CSF2RA: variants seen among roughly 807,000 people sequenced by gnomAD.
CSF2RA encodes colony stimulating factor 2 receptor subunit alpha.
In CSF2RA, 42 loss-of-function variants were observed where a neutral mutation model predicts 51.6. The observed-to-expected ratio is 0.81, with a 90% CI of 0.64 to 1.05. CSF2RA has a LOEUF of 1.05. Among genes scored for constraint, CSF2RA ranks in the 50% least tolerant of loss-of-function variants. The pLI, the probability that CSF2RA is intolerant of heterozygous loss-of-function variation, is 0.00. For missense variants in CSF2RA, 530 were observed against 501.1 expected, an observed-to-expected ratio of 1.06 and a Z score of -0.55; for synonymous variants, 222 against 193.0, an observed-to-expected ratio of 1.15 and a Z score of -1.24.
Position 1,300,630 on chromosome X carries a change from A to G in CSF2RA, c.946+4A>G. 1 of 1,613,834 alleles carries G rather than the reference A, an allele frequency of 6.2e-7. No individual in the cohort carries two copies. Among genetic ancestry groups the G allele is most frequent in the Non-Finnish European group, 8.5e-7 (1 of 1,179,838 alleles). On this transcript the variant is annotated splice_donor_region_variant and intron_variant, in intron 10 of 12. Coordinates refer to ENST00000381529, the MANE Select transcript of CSF2RA (RefSeq NM_172245.4). ...TGGAGTGAAGCCATTGAATTTGGTA[A>G]GCGTTGGGCGGAGGTAAGGGATGTT...
In CSF2RA at chrX:1,305,437, G is replaced by A; in HGVS notation, c.1044-9G>A. The A allele has an allele frequency of 6.2e-7, 1 of 1,613,958 alleles. No homozygotes were observed. The highest frequency in any genetic ancestry group is 1.1e-5 in the South Asian group (1 of 91,076). ...TTCATTCTCTTCACACTTTTTCTCT[G>A]TGTCTCAGGTTCCTTAGGATACAGC... is the stretch of plus-strand genomic sequence containing the variant. On this transcript the variant is annotated splice_polypyrimidine_tract_variant and intron_variant, in intron 11 of 12. Coordinates refer to ENST00000381529, the MANE Select transcript of CSF2RA (RefSeq NM_172245.4).
downstream of CSF2RA, among the ~76,000 whole-genome samples, chrX:1,312,456 C>A (rs1301275510): frequency 6.6e-6 from 1 of 151,998 alleles, no homozygotes; most frequent in Non-Finnish European, 1.5e-5. Flanking sequence ...TATTCTGTCT[C>A]CCACATGGAA....
chrX:1,286,027 C>T, intron 4 of CSF2RA, 107 bp downstream of exon 4: 3 of 1,322,370 alleles, frequency 2.3e-6, no homozygotes, highest in South Asian at 1.2e-5. Flanking sequence ...CATCCCAGCA[C>T]TTTGGGAGGC....
At chrX:1,275,326 G>T (rs1411166447) in intron 2 of CSF2RA, among the ~76,000 whole-genome samples, 2 of 151,758 alleles carry the variant, frequency 1.3e-5, no homozygotes, top group Non-Finnish European at 1.5e-5. Context: ...AGGAGGCGTA[G>T]GTTGCAGTGA....
At chrX:1,323,158 T>TATAAAATAAAATAAAATAAA in the CSF2RA span, among the ~76,000 whole-genome samples, 27,014 of 133,800 alleles carry the variant, frequency 0.2, 3,276 homozygotes, top group Non-Finnish European at 0.26. Context: ...ACATTACAAT[T>TATAAAATAAAATAAAATAAA]ATAAAATAAA....
intron 12 of CSF2RA, 121 bp downstream of exon 12, chrX:1,305,648 C>T: frequency 6.2e-7 from 1 of 1,609,490 alleles, no homozygotes; most frequent in Non-Finnish European, 8.5e-7. Flanking sequence ...AGCGTCACCA[C>T]CGGTGTGGCT....
downstream of CSF2RA, among the ~76,000 whole-genome samples, chrX:1,314,962 ACC>A (rs1569515152): frequency 7.2e-4 from 78 of 108,454 alleles, 7 homozygotes; most frequent in African/African-American, 2.4e-3. Flanking sequence ...TGCCTGCCCA[ACC>A]CCACTGTGCC....
chrX:1,293,509 G>A (rs750094252), intron 7 of CSF2RA, among the ~76,000 whole-genome samples: 8 of 140,930 alleles, frequency 5.7e-5, no homozygotes, highest in South Asian at 2.3e-4. Flanking sequence ...GTGAGCCACC[G>A]CGCCCAGCCC....
At chrX:1,312,390 G>T (rs1307104804), downstream of CSF2RA, among the ~76,000 whole-genome samples, 2 of 152,108 alleles carry the variant, frequency 1.3e-5, no homozygotes, top group Admixed American at 1.3e-4. Context: ...GAACATGCTG[G>T]GGGCCATTAT....
chrX:1,317,265 T>TTTG, the CSF2RA span, among the ~76,000 whole-genome samples: 2 of 127,560 alleles, frequency 1.6e-5, no homozygotes, highest in Admixed American at 8.2e-5. Flanking sequence ...TTTTTTTTTT[T>TTTG]TTTGAGACAG....
the CSF2RA span, among the ~76,000 whole-genome samples, chrX:1,316,695 T>A: frequency 6.6e-6 from 1 of 152,160 alleles, no homozygotes; most frequent in African/African-American, 2.4e-5. Context: ...ACGCCTGGGT[T>A]CTCCTGAATG....
chrX:1,284,208 T>C (rs865806909), intron 3 of CSF2RA, among the ~76,000 whole-genome samples: 1 of 138,780 alleles, frequency 7.2e-6, no homozygotes, highest in Non-Finnish European at 1.5e-5. Flanking sequence ...TTTTTTTTTT[T>C]TTTTTTTTTT....
At chrX:1,320,601 G>A in the CSF2RA span, among the ~76,000 whole-genome samples, 64 of 149,890 alleles carry the variant, frequency 4.3e-4, no homozygotes, top group African/African-American at 1.2e-3. Context: ...GGGTTCAAGC[G>A]ATTCCCCTGC....
chrX:1,291,454 T>C (rs758446709), intron 7 of CSF2RA, among the ~76,000 whole-genome samples: 37 of 151,396 alleles, frequency 2.4e-4, no homozygotes, highest in Non-Finnish European at 4.6e-4. Context: ...CTTCATTTCT[T>C]CCTCACCAGC....
downstream of CSF2RA, among the ~76,000 whole-genome samples, chrX:1,314,535 A>C (rs762031645): frequency 9.8e-6 from 1 of 101,768 alleles, no homozygotes; most frequent in African/African-American, 4.5e-5. Flanking sequence ...ATCCCACTGC[A>C]CCTGCCCAAT....
chrX:1,295,863 T>G (rs2091894835), intron 9 of CSF2RA, among the ~76,000 whole-genome samples: 1 of 121,304 alleles, frequency 8.2e-6, no homozygotes, highest in South Asian at 2.5e-4. Context: ...TCACCACACC[T>G]AATGTAACTC....
intron 7 of CSF2RA, among the ~76,000 whole-genome samples, chrX:1,292,853 G>A (rs1333951451): frequency 1.3e-5 from 2 of 152,054 alleles, no homozygotes; most frequent in African/African-American, 2.4e-5. Context: ...TATGGATGTC[G>A]GGCTGGGGGA....
At position 1,309,533 on chromosome X, in the gene CSF2RA, A is replaced by T; in HGVS notation, c.*54A>T. 1 of 1,613,892 alleles carries T rather than the reference A, an allele frequency of 6.2e-7. No homozygotes were observed. The highest frequency in any genetic ancestry group is 8.5e-7 in the Non-Finnish European group (1 of 1,179,854). The stretch of plus-strand genomic sequence containing the variant: ...CATCTCCGCCTCCGCGACACGGGGG[A>T]ACTGTTTTCTTGATGATGCTGTGAA... On this transcript the variant is annotated 3_prime_UTR_variant, in exon 13 of 13. Transcript: ENST00000381529.
In CSF2RA at chrX:1,307,405, A is replaced by G. The variant is rs866817703; in HGVS notation, c.1125+1878A>G. On this transcript the variant is annotated intron_variant, in intron 12 of 12. Transcript: ENST00000381529. Reference sequence around the variant, plus strand: ...CCCACCATTCCCCTTTAGACCTTCGACTGATCAGATGAAGCCCACCCTTCC... The same window carrying G: ...CCCACCATTCCCCTTTAGACCTTCGGCTGATCAGATGAAGCCCACCCTTCC... Among the ~76,000 whole-genome samples the G allele has an allele frequency of 3.6e-3, 518 of 142,840 alleles. 10 individuals are homozygous for G. Among genetic ancestry groups the G allele is most frequent in the African/African-American group, 0.013 (486 of 36,452 alleles). The allele number at this position is 142,840 out of a possible 152,430, so 93.7% of individuals were successfully genotyped here. A position where few individuals can be genotyped will look rare whatever the true frequency, so the allele number is the denominator to read the frequency against.
Sources: allele counts gnomAD v4.1 joint callset (sites outside exome capture counted in the v4.1 genomes callset), GRCh38; gene constraint gnomAD v4.1.1; transcripts MANE v1.5; gene names NCBI Gene and HGNC (gene_info 2026-07-23, HGNC 2026-07-21).